HSD17B12: variants seen among roughly 807,000 people sequenced by gnomAD.
HSD17B12 encodes very-long-chain 3-oxoacyl-CoA reductase.
A neutral mutation model predicts 39.3 loss-of-function variants in HSD17B12; 32 were observed. The observed-to-expected ratio is 0.81, with a 90% CI of 0.61 to 1.09. HSD17B12 has a LOEUF of 1.09. Ranked by LOEUF, HSD17B12 falls within the 50% of genes least tolerant of loss-of-function variation. The probability of loss-of-function intolerance (pLI) is 0.00; values close to 1 mark genes in which losing one functional copy is unlikely to be tolerated. For synonymous variants in HSD17B12, 150 were observed against 146.7 expected (o/e 1.02, Z -0.16); for missense variants, 342 against 382.9 (o/e 0.89, Z 0.89).
chr11:43,771,711 C>G (rs1042877193), intron 3 of HSD17B12, among the ~76,000 whole-genome samples: 1 of 152,106 alleles, frequency 6.6e-6, no homozygotes, highest in African/African-American at 2.4e-5. Flanking sequence ...AAGTGATCGA[C>G]CCACCTCAGC....
chr11:43,817,054 A>C (rs1172258138), intron 6 of HSD17B12, among the ~76,000 whole-genome samples: 2 of 136,372 alleles, frequency 1.5e-5, no homozygotes, highest in African/African-American at 5.2e-5. Context: ...ATATATATAT[A>C]TATATCTCGT....
chr11:43,708,711 G>A (rs1004359939), intron 1 of HSD17B12, among the ~76,000 whole-genome samples: 1 of 152,134 alleles, frequency 6.6e-6, no homozygotes, highest in African/African-American at 2.4e-5. Flanking sequence ...TTCTACCATC[G>A]TATTTTATCT....
intron 3 of HSD17B12, among the ~76,000 whole-genome samples, chr11:43,757,304 C>G (rs1165701018): frequency 6.6e-6 from 1 of 152,176 alleles, no homozygotes. Context: ...CATGCAGTCC[C>G]TGTTCTCAAA....
At chr11:43,653,346 T>C in the HSD17B12 span, among the ~76,000 whole-genome samples, 3 of 152,134 alleles carry the variant, frequency 2.0e-5, no homozygotes, top group South Asian at 2.1e-4. Context: ...CATAAAACTT[T>C]AGAAGAAAAT....
chr11:43,776,366 C>T (rs1453729040), intron 3 of HSD17B12, among the ~76,000 whole-genome samples: 1 of 151,602 alleles, frequency 6.6e-6, no homozygotes, highest in East Asian at 1.9e-4. Context: ...TGATGGTGAG[C>T]ATTTTTTCAT....
intron 4 of HSD17B12, among the ~76,000 whole-genome samples, chr11:43,802,238 G>A (rs1056968235): frequency 4.0e-5 from 6 of 151,794 alleles, no homozygotes; most frequent in Non-Finnish European, 5.9e-5. Flanking sequence ...TGCCCGCCTC[G>A]GCCTCCCAAA....
chr11:43,798,991 T>A (rs1459381079), intron 4 of HSD17B12, among the ~76,000 whole-genome samples: 1 of 152,170 alleles, frequency 6.6e-6, no homozygotes, highest in African/African-American at 2.4e-5. Context: ...AATCCATGAA[T>A]GTGGAGCTCA....
chr11:43,763,169 G>A (rs1228971883), intron 3 of HSD17B12, among the ~76,000 whole-genome samples: 1 of 152,092 alleles, frequency 6.6e-6, no homozygotes, highest in African/African-American at 2.4e-5. Flanking sequence ...GCCCAAATTT[G>A]TGAAGAGACT....
At chr11:43,588,533 G>A in the HSD17B12 span, among the ~76,000 whole-genome samples, 2 of 151,918 alleles carry the variant, frequency 1.3e-5, no homozygotes, top group Non-Finnish European at 2.9e-5. Flanking sequence ...TAAGGCTTTG[G>A]TGAGGATTAA....
At chr11:43,829,677 A>G (rs1951288085) in intron 6 of HSD17B12, 1 of 152,070 alleles carries the variant, frequency 6.6e-6, no homozygotes, top group South Asian at 2.1e-4. Flanking sequence ...CTTAATACAA[A>G]TGCGCACGCA....
chr11:43,773,526 A>C (rs1352208629), intron 3 of HSD17B12, among the ~76,000 whole-genome samples: 4 of 152,212 alleles, frequency 2.6e-5, no homozygotes, highest in African/African-American at 4.8e-5. Flanking sequence ...GGAGTGAGCC[A>C]CTGTACCTGG....
At chr11:43,637,916 A>G in the HSD17B12 span, among the ~76,000 whole-genome samples, 1 of 152,176 alleles carries the variant, frequency 6.6e-6, no homozygotes, top group Non-Finnish European at 1.5e-5. Flanking sequence ...GCCAGTGAGT[A>G]ATAATTAGCA....
the HSD17B12 span, among the ~76,000 whole-genome samples, chr11:43,654,398 A>G: frequency 6.6e-6 from 1 of 152,132 alleles, no homozygotes; most frequent in African/African-American, 2.4e-5. Flanking sequence ...TCTTTAGTTT[A>G]ATTAGATCTC....
the HSD17B12 span, among the ~76,000 whole-genome samples, chr11:43,663,668 A>T: frequency 6.6e-6 from 1 of 152,110 alleles, no homozygotes; most frequent in Non-Finnish European, 1.5e-5. Flanking sequence ...AATCTTGTCC[A>T]TGTTACCAAC....
the HSD17B12 span, among the ~76,000 whole-genome samples, chr11:43,563,395 T>C: frequency 2.6e-5 from 4 of 152,332 alleles, no homozygotes; most frequent in Admixed American, 2.6e-4. Flanking sequence ...TAGGCTTCTG[T>C]TTCCTATTCC....
At chr11:43,699,423 C>T (rs1211647158) in intron 1 of HSD17B12, among the ~76,000 whole-genome samples, 1 of 151,858 alleles carries the variant, frequency 6.6e-6, no homozygotes, top group Non-Finnish European at 1.5e-5. Context: ...GATAATAGTA[C>T]CTTTTAGATA....
intron 3 of HSD17B12, among the ~76,000 whole-genome samples, chr11:43,775,506 CTT>C (rs1299507689): frequency 6.6e-6 from 1 of 152,012 alleles, no homozygotes; most frequent in South Asian, 2.1e-4. Flanking sequence ...AGTTTCAACT[CTT>C]TTGTGAACAC....
chr11:43,750,893 C>CT lies in HSD17B12; in HGVS notation c.161-12dup. On this transcript the variant is annotated splice_polypyrimidine_tract_variant and intron_variant, in intron 1 of 10. Transcript: ENST00000278353. ...ATGTAATTCTTAGACTAAACTATTGCTTTTTTCCCTTTCCCAGTTGTCACA... is the reference window on the plus strand; with the variant it reads ...ATGTAATTCTTAGACTAAACTATTGCTTTTTTTCCCTTTCCCAGTTGTCACA... The CT allele has an allele frequency of 6.9e-6, 11 of 1,587,088 alleles. No homozygotes were observed. The highest frequency in any genetic ancestry group is 9.5e-6 in the Non-Finnish European group (11 of 1,160,768).
chr11:43,671,088 A>G, the HSD17B12 span, among the ~76,000 whole-genome samples: 1 of 152,206 alleles, frequency 6.6e-6, no homozygotes, highest in Non-Finnish European at 1.5e-5. Context: ...TTGCTTGCAT[A>G]ACTGTCCTAC....
Sources: gnomAD v4.1 joint callset for allele counts (sites outside exome capture counted in the v4.1 genomes callset) on GRCh38, gnomAD v4.1.1 for gene constraint, MANE v1.5 for transcripts, NCBI Gene and HGNC (gene_info 2026-07-23, HGNC 2026-07-21) for gene names.